Variants in UNC13C observed in about 807,000 individuals in gnomAD.
UNC13C encodes protein unc-13 homolog C.
In UNC13C, 174 loss-of-function variants were observed where a neutral mutation model predicts 245.4. The observed-to-expected ratio is 0.71, with a 90% CI of 0.63 to 0.80. The LOEUF is 0.80. UNC13C is among the 30% of genes least tolerant of loss of function. The pLI, the probability that UNC13C is intolerant of heterozygous loss-of-function variation, is 0.00. For missense variants in UNC13C, 2,829 were observed against 2,602.9 expected (o/e 1.09, Z -1.89); for synonymous variants, 992 against 895.1 (o/e 1.11, Z -1.93).
the UNC13C span, among the ~76,000 whole-genome samples, chr15:53,920,320 T>G: frequency 1.1e-4 from 16 of 151,992 alleles, no homozygotes; most frequent in Non-Finnish European, 5.9e-5. Flanking sequence ...ACACCTGTAA[T>G]TTCAGCACTT....
chr15:53,939,885 C>CA, the UNC13C span, among the ~76,000 whole-genome samples: 1 of 152,036 alleles, frequency 6.6e-6, no homozygotes, highest in Non-Finnish European at 1.5e-5. Flanking sequence ...CCATTACAGA[C>CA]AGAGGAGACA....
the UNC13C span, among the ~76,000 whole-genome samples, chr15:53,892,916 G>T: frequency 6.6e-6 from 1 of 152,124 alleles, no homozygotes; most frequent in African/African-American, 2.4e-5. Flanking sequence ...TCCCCTTGCT[G>T]GTGAGGATTT....
rs1890664619 is a variant in UNC13C at position 54,443,901 on chromosome 15, T to C, written c.4933+28834T>C. Among the ~76,000 whole-genome samples, 3 of 152,002 alleles carry C rather than the reference T, an allele frequency of 2.0e-5. No homozygotes were observed. In the South Asian group the frequency reaches 6.2e-4, roughly 32 times the overall value. ...CGTAGCTGTTGAATAAAGTGTTCTG[T>C]AAAGGTATATTAAGTTCATTTGCTC... On this transcript the variant is annotated intron_variant, in intron 19 of 32. Transcript: ENST00000260323.
At chr15:54,300,058 G>T (rs1319125020) in intron 12 of UNC13C, among the ~76,000 whole-genome samples, 152 bp from the exon 13 acceptor site, 2 of 152,146 alleles carry the variant, frequency 1.3e-5, no homozygotes, top group Non-Finnish European at 2.9e-5. Flanking sequence ...AATTGAGTTA[G>T]AATAAAAATT....
At chr15:54,617,543 A>C (rs929584816) in intron 30 of UNC13C, among the ~76,000 whole-genome samples, 1 of 152,112 alleles carries the variant, frequency 6.6e-6, no homozygotes, top group Non-Finnish European at 1.5e-5. Context: ...ATACCTTACA[A>C]GATCTTATAC....
In UNC13C at chr15:54,332,107, A is replaced by G; in HGVS notation, c.4490A>G (p.Tyr1497Cys). Residue 1497 changes from tyrosine to cysteine, a missense_variant, in exon 15 of 33, where the codon TAT becomes TGT. Tyr to Cys is a radical substitution (Grantham distance 194, BLOSUM62 -2). Coordinates refer to ENST00000260323, the MANE Select transcript of UNC13C (RefSeq NM_001080534.3). ...TCTTTGAGGATTGATCTGTCAAAGTATAGGGTATGTACAAATTTACTTGCC... is the reference window on the plus strand; with the variant it reads ...TCTTTGAGGATTGATCTGTCAAAGTGTAGGGTATGTACAAATTTACTTGCC... ...HNSLRIDLSK[Y>C]RENFPASNTE... is the part of the protein sequence containing the mutation. The G allele has an allele frequency of 6.4e-7, 1 of 1,567,588 alleles. No homozygotes were observed. The highest frequency in any genetic ancestry group is 8.7e-7 in the Non-Finnish European group (1 of 1,154,598).
chr15:53,948,056 C>A, the UNC13C span: 1 of 152,086 alleles, frequency 6.6e-6, no homozygotes, highest in African/African-American at 2.4e-5. Flanking sequence ...GGTAAATGAA[C>A]AAGAACTGAA....
Position 54,322,018 on chromosome 15 carries a change from G to A in UNC13C, c.4348G>A (p.Ala1450Thr), listed in dbSNP as rs758548767. The change falls in exon 14 of 33, where the codon GCT (alanine) becomes ACT (threonine). Residue 1450 changes from alanine to threonine, a missense_variant. Transcript: ENST00000260323. ...VMSTLLANIN[A>T]FYAHTTVSTN... ...GAGCACCTTGCTGGCTAATATAAAT[G>A]CTTTTTATGCTCACACAACAGTTTC... 1.3e-6 allele frequency: 2 copies of A among 1,588,696 alleles called. No individual in the cohort carries two copies. The highest frequency in any genetic ancestry group is 1.7e-6 in the Non-Finnish European group (2 of 1,166,068).
At chr15:54,304,817 C>T (rs1258094198) in intron 13 of UNC13C, among the ~76,000 whole-genome samples, 2 of 151,886 alleles carry the variant, frequency 1.3e-5, no homozygotes, top group African/African-American at 4.8e-5. Flanking sequence ...TCTGATCAAT[C>T]CTAAGGAAAT....
At chr15:54,335,917 C>G (rs2038562414) in intron 16 of UNC13C, among the ~76,000 whole-genome samples, 1 of 152,088 alleles carries the variant, frequency 6.6e-6, no homozygotes, top group Admixed American at 6.6e-5. Flanking sequence ...TCTGCATCCT[C>G]TAGCAAAACT....
intron 2 of UNC13C, among the ~76,000 whole-genome samples, chr15:54,114,609 C>T (rs2030091322): frequency 1.3e-5 from 2 of 152,120 alleles, no homozygotes; most frequent in South Asian, 4.1e-4. Flanking sequence ...GGCATTTATA[C>T]CACATCATAT....
chr15:54,520,826 T>C (rs1895185974), intron 24 of UNC13C, among the ~76,000 whole-genome samples: 1 of 152,156 alleles, frequency 6.6e-6, no homozygotes, highest in Admixed American at 6.6e-5. Flanking sequence ...TGCAGAGAAC[T>C]AATGAATGTT....
the UNC13C span, among the ~76,000 whole-genome samples, chr15:53,949,278 CA>C: frequency 6.6e-6 from 1 of 152,144 alleles, no homozygotes; most frequent in Admixed American, 6.5e-5. Context: ...GATATTCAGC[CA>C]GTGTGCTAAA....
chr15:54,068,129 T>C (rs915869536), intron 2 of UNC13C, among the ~76,000 whole-genome samples: 1 of 152,194 alleles, frequency 6.6e-6, no homozygotes, highest in Non-Finnish European at 1.5e-5. Flanking sequence ...CTGTAGTCAG[T>C]GTTAAGGAAA....
intron 4 of UNC13C, among the ~76,000 whole-genome samples, chr15:54,184,948 A>G (rs930898510): frequency 2.0e-5 from 3 of 152,022 alleles, no homozygotes; most frequent in African/African-American, 7.3e-5. Context: ...TGACTTTTTA[A>G]TGATCACCAT....
chr15:54,227,109 C>T (rs1258346148), intron 4 of UNC13C, among the ~76,000 whole-genome samples: 1 of 152,128 alleles, frequency 6.6e-6, no homozygotes, highest in African/African-American at 2.4e-5. Context: ...AGAAGAGCTT[C>T]GTGGAATGGC....
chr15:54,626,805 A>C (rs1205503094), intron 32 of UNC13C, 23 bp from the exon 33 acceptor site: 22 of 1,591,050 alleles, frequency 1.4e-5, no homozygotes, highest in Admixed American at 3.6e-5. Context: ...TTTGCTCAAA[A>C]TTTGTATTTT....
intron 17 of UNC13C, among the ~76,000 whole-genome samples, chr15:54,387,214 G>A (rs2039857679): frequency 6.6e-6 from 1 of 152,172 alleles, no homozygotes; most frequent in Non-Finnish European, 1.5e-5. Context: ...CCGTGACAAA[G>A]CAGGGCTACC....
At chr15:54,558,639 G>A (rs1247655740) in intron 29 of UNC13C, among the ~76,000 whole-genome samples, 1 of 151,940 alleles carries the variant, frequency 6.6e-6, no homozygotes, top group African/African-American at 2.4e-5. Flanking sequence ...TATAACACCA[G>A]TCACATGTAG....
Sources: gnomAD v4.1 joint callset for allele counts (sites outside exome capture counted in the v4.1 genomes callset) on GRCh38, gnomAD v4.1.1 for gene constraint, MANE v1.5 for transcripts, NCBI Gene and HGNC (gene_info 2026-07-23, HGNC 2026-07-21) for gene names.